The following FBXO30 variants were observed in gnomAD, a reference collection of about 807,000 sequenced individuals.
The protein encoded by FBXO30 is F-box only protein 30.
FBXO30 carries 21 observed loss-of-function variants against 58.1 expected under a neutral mutation model. The ratio of observed to expected loss-of-function variants is 0.36; its 90% CI spans 0.26 to 0.52. The LOEUF is 0.52. FBXO30 is among the 20% of genes least tolerant of loss of function. The pLI is 0.93. For missense variants in FBXO30, 744 were observed against 897.3 expected, an observed-to-expected ratio of 0.83 and a Z score of 2.18; for synonymous variants, 309 against 312.4, an observed-to-expected ratio of 0.99 and a Z score of 0.11.
At position 145,804,437 on chromosome 6, in the gene FBXO30, C is replaced by A; in HGVS notation, c.1969G>T (p.Val657Phe). The A allele has an allele frequency of 1.2e-6, 2 of 1,613,708 alleles. No homozygotes were observed. Among genetic ancestry groups the A allele is most frequent in the Non-Finnish European group, 8.5e-7 (1 of 1,179,764 alleles). Reference sequence around the variant, plus strand: ...TTCCTTTTCCCCCACTGCAGTATGACCATGCCACGAGACTGAAGCAGGCTG... The same window carrying A: ...TTCCTTTTCCCCCACTGCAGTATGAACATGCCACGAGACTGAAGCAGGCTG... ...CGSLLQSRGMVILQWGKRKYP... is the reference protein window; with the variant it reads ...CGSLLQSRGMFILQWGKRKYP... Residue 657 changes from valine (V) to phenylalanine (F), a missense_variant, in exon 2 of 3, where the codon GTC (valine) becomes TTC (phenylalanine). Transcript: ENST00000237281.
At position 145,804,367 on chromosome 6, in the gene FBXO30, C is replaced by T; in HGVS notation, c.2034+5G>A. The stretch of plus-strand genomic sequence containing the variant: ...CAAATAAGAGGTTGTAAAGATTACA[C>T]TAACCTTTTCTTTTATCTGCCATGA... On this transcript the variant is annotated splice_donor_5th_base_variant and intron_variant, in intron 2 of 2. Coordinates refer to ENST00000237281, the MANE Select transcript of FBXO30 (RefSeq NM_032145.5). 1 of 1,605,380 alleles carries T rather than the reference C, an allele frequency of 6.2e-7. No homozygotes were observed. Among genetic ancestry groups the T allele is most frequent in the Non-Finnish European group, 8.5e-7 (1 of 1,174,974 alleles).
chr6:145,800,646 C>T (rs567046920), intron 2 of FBXO30, among the ~76,000 whole-genome samples: 1 of 152,202 alleles, frequency 6.6e-6, no homozygotes, highest in African/African-American at 2.4e-5. Flanking sequence ...ATATTATATA[C>T]TACACACTAT....
In FBXO30 at chr6:145,805,160, C is replaced by A. The variant is rs1381374968; in HGVS notation, c.1246G>T (p.Asp416Tyr). The change falls in exon 2 of 3, where the codon GAT becomes TAT. Residue 416 changes from aspartate to tyrosine, a missense_variant. Asp to Tyr is a radical substitution (Grantham distance 160, BLOSUM62 -3). Coordinates refer to ENST00000237281, the MANE Select transcript of FBXO30 (RefSeq NM_032145.5). ...TCTATTCCTTGGAGGCCCATAGGAT[C>A]TTCTGCAACTTCCAAATCTGATGTA... Reference protein sequence around the residue: ...VDTSDLEVAEDPMGLQGIDLI... With the variant: ...VDTSDLEVAEYPMGLQGIDLI... The A allele has an allele frequency of 1.2e-6, 2 of 1,614,074 alleles. No homozygotes were observed. The highest frequency in any genetic ancestry group is 1.7e-6 in the Non-Finnish European group (2 of 1,179,962).
chr6:145,801,970 G>T (rs575671643), intron 2 of FBXO30, among the ~76,000 whole-genome samples: 4 of 152,166 alleles, frequency 2.6e-5, no homozygotes, highest in Admixed American at 6.5e-5. Context: ...TGATGACAAG[G>T]TTTCTTAGTA....
At chr6:145,804,049 C>T (rs1402082214) in intron 2 of FBXO30, among the ~76,000 whole-genome samples, 1 of 152,098 alleles carries the variant, frequency 6.6e-6, no homozygotes, top group African/African-American at 2.4e-5. Flanking sequence ...GCACATTTTT[C>T]AGATGGAGTC....
At chr6:145,807,982 A>G (rs1778226156) in intron 1 of FBXO30, among the ~76,000 whole-genome samples, 1 of 152,042 alleles carries the variant, frequency 6.6e-6, no homozygotes, top group African/African-American at 2.4e-5. Context: ...AAACAAAAAA[A>G]TTAGCCAGGC....
intron 2 of FBXO30, among the ~76,000 whole-genome samples, chr6:145,802,223 A>C (rs934624106): frequency 6.6e-6 from 1 of 152,172 alleles, no homozygotes; most frequent in Admixed American, 6.5e-5. Context: ...ATGGGTCCCA[A>C]GAAGCTATCT....
intron 1 of FBXO30, among the ~76,000 whole-genome samples, chr6:145,813,243 G>A (rs1351616041): frequency 4.0e-5 from 6 of 151,446 alleles, no homozygotes; most frequent in Non-Finnish European, 5.9e-5. Flanking sequence ...TAGTACACTT[G>A]GTATACATTA....
At position 145,806,088 on chromosome 6, in the gene FBXO30, T is replaced by C. The variant is rs1562245764; in HGVS notation, c.318A>G (p.Ser106=). ...CGACATCTCTGCTTAGATTTTCATA[T>C]GATTTCCGGTCTGCATAACTAACTG... The part of the protein sequence containing the change: ...RWPVSYADRK[S]YENLSRDVDE... The change falls in exon 2 of 3, where the codon TCA becomes TCG. Residue 106 remains serine, a synonymous_variant. Transcript: ENST00000237281. 9 of 1,613,998 alleles carry C rather than the reference T, an allele frequency of 5.6e-6. No homozygotes were observed. Among genetic ancestry groups the C allele is most frequent in the Admixed American group, 1.7e-5 (1 of 59,984 alleles).
Position 145,806,024 on chromosome 6 carries a change from CTTGAAGAGCCAAGGCCATATCCAAT to C in FBXO30, c.357_381del (p.Leu120ThrfsTer6). 1 of 1,614,034 alleles carries C rather than the reference CTTGAAGAGCCAAGGCCATATCCAAT, an allele frequency of 6.2e-7. No homozygotes were observed. The highest frequency in any genetic ancestry group is 8.5e-7 in the Non-Finnish European group (1 of 1,179,976). On this transcript the variant is annotated frameshift_variant, in exon 2 of 3. Coordinates refer to ENST00000237281, the MANE Select transcript of FBXO30 (RefSeq NM_032145.5). LOFTEE classifies it high-confidence loss of function. ...AGGGATTCTAAGAGCATCCTTTGGTCTTGAAGAGCCAAGGCCATATCCAATTGTGCCACTTCATCGACATCTCTGC... is the reference window on the plus strand; with the variant it reads ...AGGGATTCTAAGAGCATCCTTTGGTCTGTGCCACTTCATCGACATCTCTGC...
intron 2 of FBXO30, among the ~76,000 whole-genome samples, chr6:145,801,835 T>G (rs1050440159): frequency 2.0e-5 from 3 of 152,054 alleles, no homozygotes; most frequent in Non-Finnish European, 2.9e-5. Context: ...TCTTTAAGCT[T>G]GGGCAGGTGA....
intron 1 of FBXO30, among the ~76,000 whole-genome samples, chr6:145,813,463 T>G (rs1226114761): frequency 1.3e-5 from 2 of 152,224 alleles, no homozygotes; most frequent in African/African-American, 4.8e-5. Context: ...AGAAGAGTGA[T>G]TCAGCGGAAA....
chr6:145,800,387 A>G (rs1777959803), intron 2 of FBXO30, 78 bp from the exon 3 acceptor site: 1 of 1,139,356 alleles, frequency 8.8e-7, no homozygotes, highest in Non-Finnish European at 1.3e-6. Context: ...CCTACTGCAT[A>G]CATTTCTGCT....
In FBXO30 at chr6:145,800,008, T is replaced by G. The variant is rs1321601786; in HGVS notation, c.*98A>C. On this transcript the variant is annotated 3_prime_UTR_variant, in exon 3 of 3. Transcript: ENST00000237281. ...CATTATATACACAGTGACAATAAAT[T>G]TAGCTAGTTGTAATATTTAATACAT... 1.2e-6 allele frequency: 1 copy of G among 843,488 alleles called. No individual in the cohort carries two copies. Among genetic ancestry groups the G allele is most frequent in the East Asian group, 2.7e-5 (1 of 37,402 alleles). 52.3% of individuals were successfully genotyped at this position (843,488 alleles called of 1,614,324 possible).
chr6:145,804,192 A>G lies in FBXO30; in HGVS notation c.2034+180T>C, dbSNP rs576193498. ...TCAGTAGTAAACCTACAATTATGGC[A>G]AACAATTCTAACTATCCTAGTTCAT... On this transcript the variant is annotated intron_variant, in intron 2 of 2. Transcript: ENST00000237281. Among the ~76,000 whole-genome samples the G allele has an allele frequency of 3.9e-5, 6 of 152,304 alleles. No individual in the cohort carries two copies. In the South Asian group the frequency reaches 1.2e-3, roughly 32 times the overall value.
intron 1 of FBXO30, among the ~76,000 whole-genome samples, chr6:145,809,442 G>A (rs1429307946): frequency 5.3e-5 from 8 of 152,152 alleles, no homozygotes; most frequent in African/African-American, 1.9e-4. Context: ...GACACTTTAT[G>A]TTACTGTACA....
intron 2 of FBXO30, among the ~76,000 whole-genome samples, 184 bp downstream of exon 2, chr6:145,804,188 T>C (rs556258838): frequency 1.8e-4 from 27 of 152,296 alleles, no homozygotes; most frequent in African/African-American, 4.8e-4. Context: ...CCTACAATTA[T>C]GGCAAACAAT....
chr6:145,805,797 A>G lies in FBXO30; in HGVS notation c.609T>C (p.Ala203=). The G allele has an allele frequency of 6.2e-7, 1 of 1,614,078 alleles. No homozygotes were observed. The highest frequency in any genetic ancestry group is 8.5e-7 in the Non-Finnish European group (1 of 1,179,994). ...LAAALDILNT[A]TRDIGMLNTS... is the part of the protein sequence containing the mutation. ...TATTTAACATGCCAATGTCTCTTGTAGCAGTATTCAGGATATCCAAAGCAG... is the reference window on the plus strand; with the variant it reads ...TATTTAACATGCCAATGTCTCTTGTGGCAGTATTCAGGATATCCAAAGCAG... Residue 203 remains alanine (A), a synonymous_variant, in exon 2 of 3, where the codon GCT becomes GCC. Coordinates refer to ENST00000237281, the MANE Select transcript of FBXO30 (RefSeq NM_032145.5).
chr6:145,805,840 G>GTT lies in FBXO30; in HGVS notation c.564_565dup (p.Thr189LysfsTer13). 1 of 1,614,042 alleles carries GTT rather than the reference G, an allele frequency of 6.2e-7. No homozygotes were observed. The highest frequency in any genetic ancestry group is 8.5e-7 in the Non-Finnish European group (1 of 1,179,976). Reference sequence around the variant, plus strand: ...CAAAGCAGCAGCCAAACTTCTGGTTGTTTCTACAGTAGCTTGATAAAGTGC... The same window carrying GTT: ...CAAAGCAGCAGCCAAACTTCTGGTTGTTTTTCTACAGTAGCTTGATAAAGTGC... On this transcript the variant is annotated frameshift_variant, in exon 2 of 3. Coordinates refer to ENST00000237281, the MANE Select transcript of FBXO30 (RefSeq NM_032145.5). LOFTEE classifies it high-confidence loss of function.
Sources: gnomAD v4.1 joint callset for allele counts (sites outside exome capture counted in the v4.1 genomes callset) on GRCh38, gnomAD v4.1.1 for gene constraint, MANE v1.5 for transcripts, NCBI Gene and HGNC (gene_info 2026-07-23, HGNC 2026-07-21) for gene names.